Variants in LY6G6F observed in about 807,000 individuals in gnomAD.
LY6G6F encodes lymphocyte antigen 6 complex locus protein G6f.
Under a neutral mutation model 33.0 loss-of-function variants are expected in LY6G6F, and 26 were observed. The ratio of observed to expected loss-of-function variants is 0.79; its 90% CI spans 0.58 to 1.09. The LOEUF (loss-of-function observed/expected upper bound fraction) is 1.09. Among genes scored for constraint, LY6G6F ranks in the 50% least tolerant of loss-of-function variants. The pLI is 0.00. For synonymous variants in LY6G6F, 132 were observed against 148.1 expected (o/e 0.89, Z 0.79); for missense variants, 317 against 372.0 (o/e 0.85, Z 1.22).
rs756799383 is a variant in LY6G6F at position 31,708,098 on chromosome 6, A to G, written c.610A>G (p.Met204Val). The change falls in exon 3 of 6, where the codon ATG (methionine) becomes GTG (valine). Residue 204 changes from methionine (M) to valine (V), a missense_variant. Transcript: ENST00000375832. ...AAGACCAAGAATCATCCGCTGCCTC[A>G]TGACTCACAACAAAGGGGTCAGCTT... ...SRRPRIIRCLMTHNKGVSFSL... is the reference protein window; with the variant it reads ...SRRPRIIRCLVTHNKGVSFSL... 6 of 1,595,524 alleles carry G rather than the reference A, an allele frequency of 3.8e-6. No individual in the cohort carries two copies. Among genetic ancestry groups the G allele is most frequent in the Admixed American group, 3.5e-5 (2 of 57,432 alleles).
Position 31,707,688 on chromosome 6 carries a change from G to A in LY6G6F, c.283G>A (p.Gly95Arg), listed in dbSNP as rs756274314. Reference sequence around the variant, plus strand: ...GGGGAACTATTCTTTGTGGTTGGAGGGATCCAAAGAGGAAGATGCCGGGCG... The same window carrying A: ...GGGGAACTATTCTTTGTGGTTGGAGAGATCCAAAGAGGAAGATGCCGGGCG... ...LLGNYSLWLE[G>R]SKEEDAGRYW... The change falls in exon 2 of 6, where the codon GGA becomes AGA. Residue 95 changes from glycine (G) to arginine (R), a missense_variant. Physicochemically the swap from Gly to Arg is moderately radical, Grantham distance 125. Transcript: ENST00000375832. This position sits in a 1 kb window ranked among gnomAD's most constrained non-coding sequence, Gnocchi z 4.1. The A allele has an allele frequency of 6.2e-7, 1 of 1,614,084 alleles. No homozygotes were observed. Among genetic ancestry groups the A allele is most frequent in the Admixed American group, 1.7e-5 (1 of 59,994 alleles).
Position 31,707,464 on chromosome 6 carries a change from T to G in LY6G6F, c.59T>G (p.Met20Arg), listed in dbSNP as rs758822663. Residue 20 changes from methionine to arginine, a missense_variant, in exon 2 of 6, where the codon ATG (methionine) becomes AGG (arginine). Transcript: ENST00000375832. This position sits in a 1 kb window ranked among gnomAD's most constrained non-coding sequence, Gnocchi z 4.1. ...LCGTPQAADN[M>R]QAIYVALGEA... Reference sequence around the variant, plus strand: ...TACAACCCTCTTCCCACAGACAACATGCAGGCCATCTATGTGGCCTTGGGG... The same window carrying G: ...TACAACCCTCTTCCCACAGACAACAGGCAGGCCATCTATGTGGCCTTGGGG... 6.2e-7 allele frequency: 1 copy of G among 1,613,492 alleles called. No individual in the cohort carries two copies. Among genetic ancestry groups the G allele is most frequent in the Admixed American group, 1.7e-5 (1 of 60,018 alleles).
chr6:31,708,193 G>T, intron 3 of LY6G6F, 59 bp downstream of exon 3: 2 of 1,498,084 alleles, frequency 1.3e-6, no homozygotes, highest in Non-Finnish European at 1.8e-6. Flanking sequence ...CCAAGTAGCT[G>T]GAATTACAGG....
intron 3 of LY6G6F, 55 bp downstream of exon 3, chr6:31,708,189 A>G (rs752601080): frequency 1.8e-4 from 272 of 1,502,730 alleles, no homozygotes; most frequent in Non-Finnish European, 2.3e-4. Context: ...CCTCCCAAGT[A>G]GCTGGAATTA....
rs1233985047 is a variant in LY6G6F, at chr6:31,708,106, C to T, written c.618C>T (p.His206=). 3 of 1,582,632 alleles carry T rather than the reference C, an allele frequency of 1.9e-6. No homozygotes were observed. The highest frequency in any genetic ancestry group is 2.6e-6 in the Non-Finnish European group (3 of 1,164,066). Residue 206 remains histidine, a synonymous_variant, in exon 3 of 6, where the codon CAC becomes CAT. Coordinates refer to ENST00000375832, the MANE Select transcript of LY6G6F (RefSeq NM_001003693.3). ...RPRIIRCLMT[H]NKGVSFSLAA... The stretch of plus-strand genomic sequence containing the variant: ...GAATCATCCGCTGCCTCATGACTCA[C>T]AACAAAGGGGTCAGCTTTAGCCTGG...
At position 31,708,003 on chromosome 6, in the gene LY6G6F, CCTT is replaced by C; in HGVS notation, c.518_520del (p.Phe173del). 1 of 1,613,108 alleles carries C rather than the reference CCTT, an allele frequency of 6.2e-7. No individual in the cohort carries two copies. The highest frequency in any genetic ancestry group is 8.5e-7 in the Non-Finnish European group (1 of 1,180,036). ...GGTCCCGTGAGGGGCCGTGTTCAGT[CCTT>C]CTGGGGCAGTGAGGCTGCCCTGCTC... On this transcript the variant is annotated inframe_deletion, in exon 3 of 6. Transcript: ENST00000375832.
Position 31,707,579 on chromosome 6 carries a change from C to T in LY6G6F, c.174C>T (p.Phe58=). Residue 58 remains phenylalanine, a synonymous_variant, in exon 2 of 6, where the codon TTC becomes TTT. Transcript: ENST00000375832. The surrounding 1 kb of genome is among the most constrained non-coding windows in gnomAD (Gnocchi z 4.1). ...SWFCSPAAGS[F]TTLVAQVQVG... ...TCTGCAGCCCTGCAGCAGGCTCCTT[C>T]ACCACCCTGGTAGCCCAAGTCCAAG... The T allele has an allele frequency of 6.2e-7, 1 of 1,613,956 alleles. No individual in the cohort carries two copies. Among genetic ancestry groups the T allele is most frequent in the South Asian group, 1.1e-5 (1 of 91,028 alleles).
In LY6G6F at chr6:31,710,337, G is replaced by T; in HGVS notation, c.803-15G>T. 1 of 1,613,810 alleles carries T rather than the reference G, an allele frequency of 6.2e-7. No individual in the cohort carries two copies. Among genetic ancestry groups the T allele is most frequent in the Non-Finnish European group, 8.5e-7 (1 of 1,180,028 alleles). On this transcript the variant is annotated splice_polypyrimidine_tract_variant and intron_variant, in intron 4 of 5. Transcript: ENST00000375832. The surrounding 1 kb of genome is among the most constrained non-coding windows in gnomAD (Gnocchi z 4.7). The stretch of plus-strand genomic sequence containing the variant: ...TGACTTCTCTTCTGTATCCCTGATG[G>T]CTCCTTCTCCCCAGATGCCTCGATT...
In LY6G6F at chr6:31,710,392, T is replaced by C. The variant is rs1484889048; in HGVS notation, c.843T>C (p.Tyr281=). ...IPQFKPEIQV[Y]ENIHLARLGP... ...AGTTCAAACCCGAAATCCAGGTCTATGAGAACATCCATTTGGCCCGTCTTG... is the reference window on the plus strand; with the variant it reads ...AGTTCAAACCCGAAATCCAGGTCTACGAGAACATCCATTTGGCCCGTCTTG... The change falls in exon 5 of 6, where the codon TAT becomes TAC. Residue 281 remains tyrosine (Y), a synonymous_variant. Transcript: ENST00000375832. This position sits in a 1 kb window ranked among gnomAD's most constrained non-coding sequence, Gnocchi z 4.7. 6.2e-7 allele frequency: 1 copy of C among 1,613,834 alleles called. No homozygotes were observed. The highest frequency in any genetic ancestry group is 2.2e-5 in the East Asian group (1 of 44,890).
rs201903135 is a variant in LY6G6F at position 31,710,411 on chromosome 6, C to G, written c.862C>G (p.Arg288Gly). The G allele has an allele frequency of 1.2e-6, 2 of 1,614,128 alleles. No individual in the cohort carries two copies. The highest frequency in any genetic ancestry group is 2.2e-5 in the East Asian group (1 of 44,888). ...GGTCTATGAGAACATCCATTTGGCC[C>G]GTCTTGGGTGAGGAACAGCTAGGGA... is the stretch of plus-strand genomic sequence containing the variant. ...IQVYENIHLARLGPPAHKPR is the reference protein window; with the variant it reads ...IQVYENIHLAGLGPPAHKPR Residue 288 changes from arginine (R) to glycine (G), a missense_variant, in exon 5 of 6, where the codon CGT becomes GGT. Transcript: ENST00000375832. This position sits in a 1 kb window ranked among gnomAD's most constrained non-coding sequence, Gnocchi z 4.7.
intron 3 of LY6G6F, among the ~76,000 whole-genome samples, chr6:31,709,649 C>T (rs948033534): frequency 6.6e-6 from 1 of 152,144 alleles, no homozygotes; most frequent in Non-Finnish European, 1.5e-5. Context: ...CCACCTCGGC[C>T]TCCCAAAGTG....
chr6:31,708,513 T>C (rs1402490877), intron 3 of LY6G6F, among the ~76,000 whole-genome samples: 2 of 152,212 alleles, frequency 1.3e-5, no homozygotes, highest in Non-Finnish European at 2.9e-5. Flanking sequence ...AAGGGTGAAT[T>C]ACTATAAAGG....
In LY6G6F at chr6:31,707,989, G is replaced by A; in HGVS notation, c.501G>A (p.Arg167=). ...VTWQEGKGPV[R]GRVQSFWGSE... ...GGCAGGAAGGGAAGGGTCCCGTGAG[G>A]GGCCGTGTTCAGTCCTTCTGGGGCA... The change falls in exon 3 of 6, where the codon AGG becomes AGA. Residue 167 remains arginine, a synonymous_variant. Coordinates refer to ENST00000375832, the MANE Select transcript of LY6G6F (RefSeq NM_001003693.3). The surrounding 1 kb of genome is among the most constrained non-coding windows in gnomAD (Gnocchi z 4.1). 6.2e-7 allele frequency: 1 copy of A among 1,613,098 alleles called. No homozygotes were observed. The highest frequency in any genetic ancestry group is 8.5e-7 in the Non-Finnish European group (1 of 1,180,040).
chr6:31,710,375 C>T lies in LY6G6F; in HGVS notation c.826C>T (p.Pro276Ser). The change falls in exon 5 of 6, where the codon CCC becomes TCC. Residue 276 changes from proline (P) to serine (S), a missense_variant. By Grantham distance (74) the Pro-to-Ser change is moderately conservative (BLOSUM62 -1). Transcript: ENST00000375832. The surrounding 1 kb of genome is among the most constrained non-coding windows in gnomAD (Gnocchi z 4.7). ...AGATGCCTCGATTCCTCAGTTCAAA[C>T]CCGAAATCCAGGTCTATGAGAACAT... ...GRDASIPQFK[P>S]EIQVYENIHL... The T allele has an allele frequency of 1.2e-6, 2 of 1,614,154 alleles. No individual in the cohort carries two copies. The highest frequency in any genetic ancestry group is 1.7e-6 in the Non-Finnish European group (2 of 1,180,028).
rs768582786 is a variant in LY6G6F at position 31,710,357 on chromosome 6, T to C, written c.808T>C (p.Ser270Pro). Residue 270 changes from serine to proline, a missense_variant, in exon 5 of 6, where the codon TCG becomes CCG. Coordinates refer to ENST00000375832, the MANE Select transcript of LY6G6F (RefSeq NM_001003693.3). This position sits in a 1 kb window ranked among gnomAD's most constrained non-coding sequence, Gnocchi z 4.7. Reference protein sequence around the residue: ...RVRGAPGRDASIPQFKPEIQV... With the variant: ...RVRGAPGRDAPIPQFKPEIQV... ...TGATGGCTCCTTCTCCCCAGATGCC[T>C]CGATTCCTCAGTTCAAACCCGAAAT... 6.2e-7 allele frequency: 1 copy of C among 1,613,922 alleles called. No homozygotes were observed. The highest frequency in any genetic ancestry group is 1.3e-5 in the African/African-American group (1 of 74,888).
At position 31,707,623 on chromosome 6, in the gene LY6G6F, A is replaced by T; in HGVS notation, c.218A>T (p.Asp73Val). 1 of 1,613,726 alleles carries T rather than the reference A, an allele frequency of 6.2e-7. No individual in the cohort carries two copies. The highest frequency in any genetic ancestry group is 8.5e-7 in the Non-Finnish European group (1 of 1,179,798). The stretch of plus-strand genomic sequence containing the variant: ...GTCCAAGTGGGCAGGCCAGCCCCAG[A>T]CCCTGGAAAACCAGGAAGGGAATCC... ...AQVQVGRPAPDPGKPGRESRL... is the reference protein window; with the variant it reads ...AQVQVGRPAPVPGKPGRESRL... Residue 73 changes from aspartate to valine, a missense_variant, in exon 2 of 6, where the codon GAC becomes GTC. Transcript: ENST00000375832. This position sits in a 1 kb window ranked among gnomAD's most constrained non-coding sequence, Gnocchi z 4.1.
chr6:31,708,209 G>A lies in LY6G6F; in HGVS notation c.646+75G>A, dbSNP rs546206087. 8.8e-6 allele frequency: 13 copies of A among 1,483,398 alleles called. No homozygotes were observed. In the East Asian group the frequency reaches 1.9e-4, roughly 21 times the overall value. The allele number at this position is 1,483,398 out of a possible 1,614,324, so 91.9% of individuals were successfully genotyped here. ...CAAGTAGCTGGAATTACAGGCGCCCGCCACCATGCCTGGATAATTTTTTGT... is the reference window on the plus strand; with the variant it reads ...CAAGTAGCTGGAATTACAGGCGCCCACCACCATGCCTGGATAATTTTTTGT... On this transcript the variant is annotated intron_variant, in intron 3 of 5. Transcript: ENST00000375832.
Position 31,707,993 on chromosome 6 carries a change from C to T in LY6G6F, c.505C>T (p.Arg169Cys), listed in dbSNP as rs574548037. 1.7e-5 allele frequency: 27 copies of T among 1,613,068 alleles called. No homozygotes were observed. The South Asian group carries it at 2.6e-4, about 16-fold the overall frequency. ...GGAAGGGAAGGGTCCCGTGAGGGGC[C>T]GTGTTCAGTCCTTCTGGGGCAGTGA... is the stretch of plus-strand genomic sequence containing the variant. ...WQEGKGPVRGRVQSFWGSEAA... is the reference protein window; with the variant it reads ...WQEGKGPVRGCVQSFWGSEAA... Residue 169 changes from arginine (R) to cysteine (C), a missense_variant, in exon 3 of 6, where the codon CGT becomes TGT. Physicochemically the swap from Arg to Cys is radical, Grantham distance 180. Coordinates refer to ENST00000375832, the MANE Select transcript of LY6G6F (RefSeq NM_001003693.3). The surrounding 1 kb of genome is among the most constrained non-coding windows in gnomAD (Gnocchi z 4.1).
chr6:31,709,935 C>A lies in LY6G6F; in HGVS notation c.647-91C>A, dbSNP rs574426433. 26 of 1,337,096 alleles carry A rather than the reference C, an allele frequency of 1.9e-5. 2 individuals carry two copies. In the East Asian group the frequency reaches 5.6e-4, roughly 29 times the overall value. The allele number at this position is 1,337,096 out of a possible 1,614,324, so 82.8% of individuals were successfully genotyped here. Reference sequence around the variant, plus strand: ...AAAGTCTTCTGTTGGAAGAGCCCACCAGACTGTGGAGGGGAAGCCTCTCTT... The same window carrying A: ...AAAGTCTTCTGTTGGAAGAGCCCACAAGACTGTGGAGGGGAAGCCTCTCTT... On this transcript the variant is annotated intron_variant, in intron 3 of 5. Coordinates refer to ENST00000375832, the MANE Select transcript of LY6G6F (RefSeq NM_001003693.3).
Sources: allele counts gnomAD v4.1 joint callset (sites outside exome capture counted in the v4.1 genomes callset), GRCh38; gene constraint gnomAD v4.1.1; non-coding constraint Gnocchi (gnomAD v3.1); transcripts MANE v1.5; gene names NCBI Gene and HGNC (gene_info 2026-07-23, HGNC 2026-07-21).